PAK3: variants seen among roughly 807,000 people sequenced by gnomAD.
PAK3 encodes p21 (RAC1) activated kinase 3.
In PAK3, 4 loss-of-function variants were observed where a neutral mutation model predicts 41.0. The ratio of observed to expected loss-of-function variants is 0.10; its 90% CI spans 0.05 to 0.22. The LOEUF is 0.22. Among genes scored for constraint, PAK3 ranks in the 10% least tolerant of loss-of-function variants. The pLI, the probability that PAK3 is intolerant of heterozygous loss-of-function variation, is 1.00. For synonymous variants in PAK3, 146 were observed against 139.6 expected (o/e 1.05, Z -0.32); for missense variants, 205 against 409.9 (o/e 0.50, Z 4.32).
intron 1 of PAK3, among the ~76,000 whole-genome samples, chrX:111,068,315 T>A (rs2092716124): frequency 8.9e-6 from 1 of 112,074 alleles, no homozygotes; most frequent in Non-Finnish European, 1.9e-5. Flanking sequence ...TATTTTAGCT[T>A]TCAAGACAGA....
rs777373522 is a variant in PAK3 at position 111,136,229 on chromosome X, T to C, written c.176-5867T>C. On this transcript the variant is annotated intron_variant, in intron 5 of 17. Transcript: ENST00000372007. The stretch of plus-strand genomic sequence containing the variant: ...TGAATTTCTGGAATATTGGGTGTGG[T>C]GATTGGAAAAGGAAGTTGGCAAGGG... Among the ~76,000 whole-genome samples, 4 of 111,093 alleles carry C rather than the reference T, an allele frequency of 3.6e-5. No individual in the cohort carries two copies. The Admixed American group carries it at 3.8e-4, about 11-fold the overall frequency.
At chrX:110,995,306 G>T (rs768459519) in intron 1 of PAK3, among the ~76,000 whole-genome samples, 2 of 111,039 alleles carry the variant, frequency 1.8e-5, no homozygotes, top group Non-Finnish European at 3.8e-5. Flanking sequence ...GATCAACTGG[G>T]CCCCCTTTCT....
intron 16 of PAK3, among the ~76,000 whole-genome samples, chrX:111,212,973 T>C (rs985318601): frequency 9.8e-5 from 11 of 112,462 alleles, no homozygotes; most frequent in African/African-American, 3.6e-4. Flanking sequence ...ATAGTAATTA[T>C]GGTGCATCGA....
intron 1 of PAK3, among the ~76,000 whole-genome samples, chrX:111,024,593 G>GA (rs1407204790): frequency 7.2e-5 from 8 of 110,973 alleles, no homozygotes; most frequent in African/African-American, 2.0e-4. Flanking sequence ...TAGTCCAACA[G>GA]AAAAAATCAC....
intron 1 of PAK3, among the ~76,000 whole-genome samples, chrX:111,087,198 G>A (rs781316649): frequency 9.1e-6 from 1 of 109,416 alleles, no homozygotes; most frequent in South Asian, 4.0e-4. Context: ...GAGAGAGGTG[G>A]TGAACCACTT....
chrX:110,945,629 C>T (rs186076798), intron 1 of PAK3, among the ~76,000 whole-genome samples: 34 of 112,099 alleles, frequency 3.0e-4, no homozygotes, highest in African/African-American at 1.0e-3. Context: ...GTCTTACTTA[C>T]TACAGTGAAG....
At chrX:110,960,706 T>G (rs1233985960) in intron 1 of PAK3, among the ~76,000 whole-genome samples, 1 of 111,506 alleles carries the variant, frequency 9.0e-6, no homozygotes, top group Non-Finnish European at 1.9e-5. Flanking sequence ...ATATCAGTTA[T>G]CTCCACTCAC....
chrX:111,040,983 G>T (rs1421024463), intron 1 of PAK3, among the ~76,000 whole-genome samples: 2 of 112,113 alleles, frequency 1.8e-5, no homozygotes, highest in Non-Finnish European at 3.8e-5. Flanking sequence ...TTTTCCAGTG[G>T]CCTCCCAGAG....
intron 16 of PAK3, among the ~76,000 whole-genome samples, chrX:111,207,660 G>A (rs748176313): frequency 4.5e-5 from 5 of 112,150 alleles, no homozygotes; most frequent in South Asian, 3.8e-4. Flanking sequence ...AGGTGACAGC[G>A]CCATACAAGT....
intron 1 of PAK3, among the ~76,000 whole-genome samples, chrX:111,018,707 C>A (rs1452335111): frequency 9.0e-6 from 1 of 111,368 alleles, no homozygotes; most frequent in Non-Finnish European, 1.9e-5. Context: ...TTATCAAAAC[C>A]CCAGTGACTT....
At chrX:110,955,215 A>G (rs1209985198) in intron 1 of PAK3, among the ~76,000 whole-genome samples, 1 of 112,129 alleles carries the variant, frequency 8.9e-6, no homozygotes, top group East Asian at 2.8e-4. Context: ...CTTAAACCCT[A>G]ACCTAATGCC....
intron 1 of PAK3, among the ~76,000 whole-genome samples, chrX:111,088,799 T>G (rs944503571): frequency 1.8e-5 from 2 of 112,053 alleles, no homozygotes; most frequent in African/African-American, 6.5e-5. Context: ...GCGGTGTAGT[T>G]ATGGCCTTTT....
chrX:111,032,259 AG>A (rs2092348801), intron 1 of PAK3, among the ~76,000 whole-genome samples: 1 of 112,192 alleles, frequency 8.9e-6, no homozygotes, highest in South Asian at 3.7e-4. Flanking sequence ...GCTTTCATTC[AG>A]AAACTTTCCC....
chrX:110,969,529 G>A (rs966285116), intron 1 of PAK3, among the ~76,000 whole-genome samples: 3 of 100,349 alleles, frequency 3.0e-5, no homozygotes, highest in Admixed American at 1.2e-4. Flanking sequence ...TCAAACTTCC[G>A]ACCTCAGGTG....
At position 111,114,040 on chromosome X, in the gene PAK3, G is replaced by A. The variant is rs780916629; in HGVS notation, c.-27-9037G>A. Among the ~76,000 whole-genome samples the A allele has an allele frequency of 5.3e-5, 6 of 112,241 alleles. No individual in the cohort carries two copies. In the East Asian group the frequency reaches 1.4e-3, roughly 26 times the overall value. On this transcript the variant is annotated intron_variant, in intron 4 of 17. Coordinates refer to ENST00000372007, the MANE Select transcript of PAK3 (RefSeq NM_002578.5). ...CCAGTCTATCATTGATGGACATTTG[G>A]GTTGGTTCCAAGTCTTTGCTATTAT...
intron 8 of PAK3, among the ~76,000 whole-genome samples, chrX:111,154,505 C>T (rs2094075969): frequency 9.0e-6 from 1 of 111,029 alleles, no homozygotes; most frequent in African/African-American, 3.3e-5. Flanking sequence ...TGATAATGTA[C>T]ATAAAGTACT....
intron 1 of PAK3, among the ~76,000 whole-genome samples, chrX:110,997,129 G>C (rs2091753840): frequency 1.8e-5 from 2 of 111,120 alleles, no homozygotes; most frequent in South Asian, 7.7e-4. Flanking sequence ...AACAGCAAGG[G>C]GGCCGGTATG....
intron 1 of PAK3, among the ~76,000 whole-genome samples, chrX:110,994,544 C>G (rs2091707701): frequency 9.0e-6 from 1 of 111,628 alleles, no homozygotes; most frequent in Non-Finnish European, 1.9e-5. Flanking sequence ...ACCCTCAGCC[C>G]TGACCAAGCA....
At chrX:111,200,565 C>A (rs1475793053) in intron 16 of PAK3, among the ~76,000 whole-genome samples, 1 of 112,363 alleles carries the variant, frequency 8.9e-6, no homozygotes, top group Non-Finnish European at 1.9e-5. Context: ...TGGATTTAAT[C>A]AAGTCCACAC....
Sources: gnomAD v4.1 joint callset for allele counts (sites outside exome capture counted in the v4.1 genomes callset) on GRCh38, gnomAD v4.1.1 for gene constraint, MANE v1.5 for transcripts, NCBI Gene and HGNC (gene_info 2026-07-23, HGNC 2026-07-21) for gene names.